Variants in DPY19L2 observed in about 807,000 individuals in gnomAD.
The protein encoded by DPY19L2 is dpy-19 like 2.
A neutral mutation model predicts 97.9 loss-of-function variants in DPY19L2; 34 were observed. The observed-to-expected ratio is 0.35, with a 90% CI of 0.26 to 0.46. The LOEUF (loss-of-function observed/expected upper bound fraction) is 0.46. Among genes scored for constraint, DPY19L2 ranks in the 20% least tolerant of loss-of-function variants. The pLI, the probability that DPY19L2 is intolerant of heterozygous loss-of-function variation, is 1.00. For synonymous variants in DPY19L2, 230 were observed against 307.9 expected, an observed-to-expected ratio of 0.75 and a Z score of 2.65; for missense variants, 623 against 911.4, an observed-to-expected ratio of 0.68 and a Z score of 4.07.
At chr12:63,645,452 A>G (rs530695146) in intron 5 of DPY19L2, among the ~76,000 whole-genome samples, 3 of 152,252 alleles carry the variant, frequency 2.0e-5, no homozygotes, top group Admixed American at 2.0e-4. Flanking sequence ...TGATCTATAT[A>G]CAGATGACTC....
chr12:63,625,416 T>C (rs1196348294), intron 7 of DPY19L2, among the ~76,000 whole-genome samples: 7 of 151,672 alleles, frequency 4.6e-5, no homozygotes, highest in Non-Finnish European at 4.4e-5. Flanking sequence ...AAAAAAGTAC[T>C]TCTACCCTAT....
intron 6 of DPY19L2, among the ~76,000 whole-genome samples, chr12:63,629,579 T>C (rs1174489284): frequency 3.3e-5 from 5 of 152,102 alleles, no homozygotes; most frequent in Admixed American, 2.6e-4. Flanking sequence ...AAAGACCAAG[T>C]CTACGTCTGA....
chr12:63,570,723 A>T, intron 20 of DPY19L2, 35 bp downstream of exon 20: 1 of 1,603,926 alleles, frequency 6.2e-7, no homozygotes, highest in Non-Finnish European at 8.5e-7. Flanking sequence ...GGAGTTGCCA[A>T]GTGAGTCTTG....
intron 9 of DPY19L2, among the ~76,000 whole-genome samples, chr12:63,619,308 C>T (rs1888315668): frequency 6.6e-6 from 1 of 152,082 alleles, no homozygotes; most frequent in African/African-American, 2.4e-5. Flanking sequence ...GATGTGGTTG[C>T]ACAATTAACT....
In DPY19L2 at chr12:63,667,928, T is replaced by G. The variant is rs144482797; in HGVS notation, c.337+129A>C. 2.3e-5 allele frequency: 26 copies of G among 1,144,748 alleles called. No homozygotes were observed. In the Middle Eastern group the frequency reaches 1.2e-3, roughly 52 times the overall value. 70.9% of individuals were successfully genotyped at this position (1,144,748 alleles called of 1,614,324 possible). On this transcript the variant is annotated intron_variant, in intron 1 of 21. Transcript: ENST00000324472. ...ATGACAAGATCTTTGGCCAACTTCTTTCTACTCGGACCTTGCTATTATTTC... is the reference window on the plus strand; with the variant it reads ...ATGACAAGATCTTTGGCCAACTTCTGTCTACTCGGACCTTGCTATTATTTC...
At chr12:63,610,091 AT>A (rs1886688406) in intron 11 of DPY19L2, among the ~76,000 whole-genome samples, 1 of 140,594 alleles carries the variant, frequency 7.1e-6, no homozygotes. Flanking sequence ...AGGTTGTTAA[AT>A]GAAAAAAAAA....
Position 63,630,420 on chromosome 12 carries a change from G to A in DPY19L2, c.804-3894C>T, listed in dbSNP as rs767959024. Among the ~76,000 whole-genome samples, 27 of 152,016 alleles carry A rather than the reference G, an allele frequency of 1.8e-4. 1 individual carries two copies. Among genetic ancestry groups the A allele is most frequent in the Non-Finnish European group, 3.8e-4 (26 of 67,988 alleles). On this transcript the variant is annotated intron_variant, in intron 6 of 21. Coordinates refer to ENST00000324472, the MANE Select transcript of DPY19L2 (RefSeq NM_173812.5). ...AAAAAAGGCAGGGGTTGCAATCCTA[G>A]TCTCTGATAAAACAGACTTTAAACC...
chr12:63,637,348 A>G (rs887521374), intron 6 of DPY19L2, among the ~76,000 whole-genome samples: 1 of 152,196 alleles, frequency 6.6e-6, no homozygotes, highest in South Asian at 2.1e-4. Flanking sequence ...GATCTAAAAT[A>G]GACACCCTAA....
intron 7 of DPY19L2, 66 bp from the exon 8 acceptor site, chr12:63,624,197 G>T (rs917679038): frequency 4.0e-6 from 5 of 1,246,414 alleles, no homozygotes; most frequent in Non-Finnish European, 5.8e-6. Context: ...AAAACCAGGG[G>T]TGAGTTTGTT....
chr12:63,624,638 G>A (rs1025130461), intron 7 of DPY19L2, among the ~76,000 whole-genome samples: 9 of 152,002 alleles, frequency 5.9e-5, no homozygotes, highest in African/African-American at 1.7e-4. Flanking sequence ...AAAATGTACC[G>A]TAAAAAAAGG....
At position 63,613,688 on chromosome 12, in the gene DPY19L2, TA is replaced by T. The variant is rs536770907; in HGVS notation, c.1218+3615del. 1.4e-3 allele frequency among the ~76,000 whole-genome samples: 212 copies of T among 151,458 alleles called. 1 individual carries two copies. Among genetic ancestry groups the T allele is most frequent in the Non-Finnish European group, 2.7e-3 (185 of 67,816 alleles). ...AATAAAACAAAAATAATTTCAGACA[TA>T]AAAAACTAGAAGGAATATGAGGAAA... On this transcript the variant is annotated intron_variant, in intron 11 of 21. Transcript: ENST00000324472.
At chr12:63,661,311 T>C in intron 4 of DPY19L2, 33 bp downstream of exon 4, 1 of 1,531,878 alleles carries the variant, frequency 6.5e-7, no homozygotes, top group Non-Finnish European at 8.7e-7. Context: ...AGGATCACTC[T>C]ACAAATATTA....
chr12:63,627,314 A>T (rs1339296347), intron 6 of DPY19L2, among the ~76,000 whole-genome samples: 1 of 152,234 alleles, frequency 6.6e-6, no homozygotes, highest in Non-Finnish European at 1.5e-5. Context: ...CAGATGAAAG[A>T]TAAAAACCAT....
Position 63,560,673 on chromosome 12 carries a change from A to C in DPY19L2, c.2127-11T>G. On this transcript the variant is annotated splice_polypyrimidine_tract_variant and intron_variant, in intron 21 of 21. Transcript: ENST00000324472. The stretch of plus-strand genomic sequence containing the variant: ...ATACTGCAACCAGGCCTGAAAAAAG[A>C]CAGACATATATATCCATATTAGAAA... The C allele has an allele frequency of 6.2e-7, 1 of 1,613,518 alleles. No individual in the cohort carries two copies. The highest frequency in any genetic ancestry group is 8.5e-7 in the Non-Finnish European group (1 of 1,179,636).
At chr12:63,626,786 A>AT (rs898552245) in intron 6 of DPY19L2, among the ~76,000 whole-genome samples, 8 of 150,304 alleles carry the variant, frequency 5.3e-5, no homozygotes, top group South Asian at 2.1e-4. Flanking sequence ...TGTGAACATA[A>AT]TTTTTTTTTT....
intron 6 of DPY19L2, among the ~76,000 whole-genome samples, chr12:63,628,856 T>C (rs552920918): frequency 1.8e-3 from 277 of 151,100 alleles, no homozygotes; most frequent in African/African-American, 6.3e-3. Flanking sequence ...CGGGTACTCC[T>C]CTGAGACAAA....
Position 63,580,797 on chromosome 12 carries a change from CCTT to C in DPY19L2, c.1762_1764del (p.Lys588del), listed in dbSNP as rs1880736837. On this transcript the variant is annotated inframe_deletion, in exon 19 of 22. Transcript: ENST00000324472. ...ATCACTGTTAAAATGCCAAAGATAA[CCTT>C]CTCAAAACGAACTCTGCGAAAAAGC... The C allele has an allele frequency of 6.2e-7, 1 of 1,613,040 alleles. No homozygotes were observed. Among genetic ancestry groups the C allele is most frequent in the South Asian group, 1.1e-5 (1 of 90,872 alleles).
intron 17 of DPY19L2, among the ~76,000 whole-genome samples, chr12:63,583,272 T>C (rs970638052): frequency 6.6e-6 from 1 of 152,238 alleles, no homozygotes; most frequent in African/African-American, 2.4e-5. Context: ...CTTAAAGTTC[T>C]ATCAAATAGG....
At chr12:63,668,723 C>T (rs1215980088), upstream of DPY19L2, 2 of 332,174 alleles carry the variant, frequency 6.0e-6, no homozygotes, top group Non-Finnish European at 1.1e-5. Flanking sequence ...GCCTCCGGTG[C>T]GCGCAGGCCC....
Sources: gnomAD v4.1 joint callset for allele counts (sites outside exome capture counted in the v4.1 genomes callset) on GRCh38, gnomAD v4.1.1 for gene constraint, MANE v1.5 for transcripts, NCBI Gene and HGNC (gene_info 2026-07-23, HGNC 2026-07-21) for gene names.